Variants in CREB5 observed in about 807,000 individuals in gnomAD.
CREB5 encodes the protein cAMP responsive element binding protein 5, also known as cyclic AMP-responsive element-binding protein 5.
In CREB5, 19 loss-of-function variants were observed where a neutral mutation model predicts 57.1. The ratio of observed to expected loss-of-function variants is 0.33; its 90% confidence interval spans 0.23 to 0.49. CREB5 has a LOEUF of 0.49. Among genes scored for constraint, CREB5 ranks in the 20% least tolerant of loss-of-function variants. The probability of loss-of-function intolerance (pLI) is 0.99; values close to 1 mark genes in which losing one functional copy is unlikely to be tolerated. For synonymous variants in CREB5, 238 were observed against 238.3 expected (o/e 1.00, Z 0.01); for missense variants, 579 against 671.6 (o/e 0.86, Z 1.52).
chr7:28,668,488 G>A (rs990527337), intron 5 of CREB5, among the ~76,000 whole-genome samples: 2 of 152,076 alleles, frequency 1.3e-5, no homozygotes, highest in African/African-American at 2.4e-5. Flanking sequence ...GGTTTTATAC[G>A]ATGACAAAAG....
At chr7:28,688,211 T>C (rs1291674824) in intron 5 of CREB5, among the ~76,000 whole-genome samples, 1 of 152,214 alleles carries the variant, frequency 6.6e-6, no homozygotes, top group African/African-American at 2.4e-5. Context: ...TTTTTAGTTT[T>C]CAAATGCTAC....
At chr7:28,485,497 C>T (rs1408734169) in intron 1 of CREB5, among the ~76,000 whole-genome samples, 1 of 151,924 alleles carries the variant, frequency 6.6e-6, no homozygotes, top group African/African-American at 2.4e-5. Flanking sequence ...GTTTCGGTAA[C>T]ACTTTCCCAA....
At chr7:28,808,217 G>A (rs566605427) in intron 8 of CREB5, among the ~76,000 whole-genome samples, 12 of 152,326 alleles carry the variant, frequency 7.9e-5, no homozygotes, top group African/African-American at 2.9e-4. Flanking sequence ...TCACCCTGGT[G>A]AGCGCTCTGA....
chr7:28,337,928 C>A (rs1051691270), intron 1 of CREB5, among the ~76,000 whole-genome samples: 3 of 152,002 alleles, frequency 2.0e-5, no homozygotes, highest in African/African-American at 7.2e-5. Flanking sequence ...TAATTCATTA[C>A]TTTAAACTGA....
chr7:28,546,820 G>A (rs1794441070), intron 4 of CREB5, among the ~76,000 whole-genome samples: 1 of 152,182 alleles, frequency 6.6e-6, no homozygotes, highest in African/African-American at 2.4e-5. Context: ...TGGTGATCTT[G>A]AATAAATTGT....
intron 4 of CREB5, among the ~76,000 whole-genome samples, chr7:28,567,827 G>C (rs2128646827): frequency 6.6e-6 from 1 of 152,254 alleles, no homozygotes; most frequent in East Asian, 1.9e-4. Flanking sequence ...GAGGTGGTGT[G>C]AGTTGAGCTG....
chr7:28,635,762 CTCAT>C (rs911722219), intron 5 of CREB5, among the ~76,000 whole-genome samples: 1 of 152,152 alleles, frequency 6.6e-6, no homozygotes, highest in Non-Finnish European at 1.5e-5. Context: ...CATTCATTTA[CTCAT>C]TCATTCATTC....
intron 1 of CREB5, among the ~76,000 whole-genome samples, chr7:28,373,954 T>C (rs1161022750): frequency 6.6e-6 from 1 of 151,714 alleles, no homozygotes; most frequent in Non-Finnish European, 1.5e-5. Context: ...TAAACACTTT[T>C]ATGCCCGGCA....
chr7:28,800,115 C>G (rs190495402), intron 7 of CREB5, among the ~76,000 whole-genome samples: 1 of 152,274 alleles, frequency 6.6e-6, no homozygotes, highest in African/African-American at 2.4e-5. Flanking sequence ...ATTAAATAAT[C>G]ATACTCAAAT....
rs553586514 is a variant in CREB5 at position 28,674,999 on chromosome 7, T to A, written c.465-43754T>A. Among the ~76,000 whole-genome samples the A allele has an allele frequency of 2.6e-5, 4 of 152,264 alleles. No individual in the cohort carries two copies. In the East Asian group the frequency reaches 7.7e-4, roughly 29 times the overall value. ...CTTTTCCTGCATGAAACACACCAAT[T>A]TCCTTCCTGCCTTAGGGCATTTATC... On this transcript the variant is annotated intron_variant, in intron 5 of 10. Coordinates refer to ENST00000357727, the MANE Select transcript of CREB5 (RefSeq NM_182898.4).
intron 1 of CREB5, among the ~76,000 whole-genome samples, chr7:28,386,604 C>T (rs1231739203): frequency 6.6e-6 from 1 of 152,140 alleles, no homozygotes; most frequent in Non-Finnish European, 1.5e-5. Context: ...TTTTTACTGG[C>T]ATTTCTCTAA....
chr7:28,533,685 A>C (rs756072019), intron 4 of CREB5, among the ~76,000 whole-genome samples: 9 of 152,194 alleles, frequency 5.9e-5, no homozygotes, highest in Non-Finnish European at 1.2e-4. Flanking sequence ...CAATGAGCTC[A>C]GTCCTGTATT....
chr7:28,572,570 A>G (rs1170999320), intron 5 of CREB5, among the ~76,000 whole-genome samples: 1 of 152,230 alleles, frequency 6.6e-6, no homozygotes, highest in Non-Finnish European at 1.5e-5. Context: ...TAGCAGTTTT[A>G]CAGCATTCCT....
At chr7:28,667,542 T>C (rs1799873400) in intron 5 of CREB5, among the ~76,000 whole-genome samples, 1 of 151,992 alleles carries the variant, frequency 6.6e-6, no homozygotes, top group African/African-American at 2.4e-5. Context: ...CCAAATATTT[T>C]CTTTGGGATG....
Position 28,631,183 on chromosome 7 carries a change from T to C in CREB5, c.464+60646T>C, listed in dbSNP as rs137861420. 1.0e-3 allele frequency among the ~76,000 whole-genome samples: 158 copies of C among 152,310 alleles called. 1 individual carries two copies. Among genetic ancestry groups the C allele is most frequent in the Non-Finnish European group, 1.9e-4 (13 of 68,020 alleles). The stretch of plus-strand genomic sequence containing the variant: ...CTCTGTGACAAAGATTTCAGGGATG[T>C]TGATTCCTAATCACTGACTGCTTTA... On this transcript the variant is annotated intron_variant, in intron 5 of 10. Transcript: ENST00000357727.
intron 5 of CREB5, among the ~76,000 whole-genome samples, chr7:28,597,043 T>C (rs1038521568): frequency 1.3e-5 from 2 of 151,936 alleles, no homozygotes; most frequent in African/African-American, 2.4e-5. Context: ...AGCTCAAGAG[T>C]GTGGTTAATG....
intron 5 of CREB5, among the ~76,000 whole-genome samples, chr7:28,571,121 G>T (rs1795685340): frequency 2.6e-5 from 4 of 152,140 alleles, no homozygotes; most frequent in Non-Finnish European, 5.9e-5. Context: ...CCACAATGTG[G>T]ACACGGTGGA....
chr7:28,688,078 A>C (rs2128728376), intron 5 of CREB5, among the ~76,000 whole-genome samples: 1 of 152,360 alleles, frequency 6.6e-6, no homozygotes, highest in South Asian at 2.1e-4. Context: ...TTTGAAATTC[A>C]GGATGAATTA....
chr7:28,739,258 C>T (rs1354277522), intron 7 of CREB5, among the ~76,000 whole-genome samples: 2 of 152,082 alleles, frequency 1.3e-5, no homozygotes, highest in Non-Finnish European at 2.9e-5. Context: ...TTATGAGTTC[C>T]ACTATCCACA....
Sources: gnomAD v4.1 joint callset for allele counts (sites outside exome capture counted in the v4.1 genomes callset) on GRCh38, gnomAD v4.1.1 for gene constraint, MANE v1.5 for transcripts, NCBI Gene and HGNC (gene_info 2026-07-23, HGNC 2026-07-21) for gene names.